ZBTB38: variants seen among roughly 807,000 people sequenced by gnomAD.
ZBTB38 encodes zinc finger and BTB domain-containing protein 38.
In ZBTB38, 20 loss-of-function variants were observed where a neutral mutation model predicts 76.8. The observed-to-expected ratio is 0.26, with a 90% CI of 0.18 to 0.38. The LOEUF (loss-of-function observed/expected upper bound fraction) is 0.38, where lower values mean the gene tolerates loss of function less well. Ranked by LOEUF, ZBTB38 falls within the 10% of genes least tolerant of loss-of-function variation. ZBTB38 has a pLI of 1.00. For synonymous variants in ZBTB38, 504 were observed against 544.2 expected (o/e 0.93, Z 1.03); for missense variants, 1,082 against 1,482.3 (o/e 0.73, Z 4.43).
chr3:141,340,994 A>AAGAAAG (rs1943181274), intron 1 of ZBTB38, among the ~76,000 whole-genome samples: 1 of 99,382 alleles, frequency 1.0e-5, no homozygotes, highest in Non-Finnish European at 2.3e-5. Flanking sequence ...AAGAAAGAGA[A>AAGAAAG]AGAAGAAAGA....
At chr3:141,359,193 G>A (rs1313811239) in intron 1 of ZBTB38, among the ~76,000 whole-genome samples, 2 of 152,326 alleles carry the variant, frequency 1.3e-5, no homozygotes, top group South Asian at 2.1e-4. Flanking sequence ...CCATCTTAAT[G>A]TACTGGTTTT....
At chr3:141,340,505 T>C (rs1442672141) in intron 1 of ZBTB38, among the ~76,000 whole-genome samples, 1 of 152,184 alleles carries the variant, frequency 6.6e-6, no homozygotes, top group African/African-American at 2.4e-5. Flanking sequence ...GACTTGTATT[T>C]AGAATATATA....
chr3:141,355,923 G>A (rs899944547), intron 1 of ZBTB38, among the ~76,000 whole-genome samples: 31 of 152,284 alleles, frequency 2.0e-4, no homozygotes, highest in African/African-American at 6.7e-4. Context: ...AGGAAGGAGA[G>A]CCAGCCCAAG....
rs748118653 is a variant in ZBTB38, at chr3:141,446,009, A to C, written c.*33A>C. On this transcript the variant is annotated 3_prime_UTR_variant, in exon 6 of 6. Coordinates refer to ENST00000321464, the MANE Select transcript of ZBTB38 (RefSeq NM_001376113.1). ...GAATTAGAAAAATCTTCAAAAATATAGTTGGTGGTTTTTTTAGTTATGATT... is the reference window on the plus strand; with the variant it reads ...GAATTAGAAAAATCTTCAAAAATATCGTTGGTGGTTTTTTTAGTTATGATT... 6.6e-7 allele frequency: 1 copy of C among 1,511,578 alleles called. No individual in the cohort carries two copies. The highest frequency in any genetic ancestry group is 8.8e-7 in the Non-Finnish European group (1 of 1,133,488). 93.6% of individuals were successfully genotyped at this position (1,511,578 alleles called of 1,614,324 possible). A position where few individuals can be genotyped will look rare whatever the true frequency, so the allele number is the denominator to read the frequency against.
chr3:141,383,805 T>G (rs1418031099), intron 3 of ZBTB38: 2 of 152,206 alleles, frequency 1.3e-5, no homozygotes, highest in Non-Finnish European at 2.9e-5. Flanking sequence ...TTCCTCGTGT[T>G]TGACTCGTCA....
At chr3:141,376,144 C>T (rs906087712) in intron 2 of ZBTB38, among the ~76,000 whole-genome samples, 1 of 152,222 alleles carries the variant, frequency 6.6e-6, no homozygotes, top group African/African-American at 2.4e-5. Flanking sequence ...CATCCCACCA[C>T]CTCAATTTCC....
intron 5 of ZBTB38, among the ~76,000 whole-genome samples, chr3:141,417,692 C>A (rs2074385902): frequency 6.6e-6 from 1 of 152,096 alleles, no homozygotes; most frequent in Admixed American, 6.6e-5. Context: ...AAATGACTTG[C>A]CATTGCTCAA....
At chr3:141,441,078 A>G (rs545283397) in intron 5 of ZBTB38, among the ~76,000 whole-genome samples, 1 of 152,048 alleles carries the variant, frequency 6.6e-6, no homozygotes, top group African/African-American at 2.4e-5. Flanking sequence ...AAAGAAAAAT[A>G]CTAGAGCAGA....
At chr3:141,360,346 G>A (rs1407848722) in intron 1 of ZBTB38, among the ~76,000 whole-genome samples, 1 of 152,180 alleles carries the variant, frequency 6.6e-6, no homozygotes, top group Non-Finnish European at 1.5e-5. Context: ...GTTTCGGCGT[G>A]TGCCTGGAGT....
chr3:141,430,979 T>C (rs2077365250), intron 5 of ZBTB38, among the ~76,000 whole-genome samples: 1 of 152,026 alleles, frequency 6.6e-6, no homozygotes, highest in Non-Finnish European at 1.5e-5. Context: ...CCTGGGGAAC[T>C]CTGGGACACA....
intron 5 of ZBTB38, chr3:141,426,276 C>G: frequency 9.7e-7 from 1 of 1,034,740 alleles, no homozygotes; most frequent in Non-Finnish European, 1.3e-6. Flanking sequence ...GACCCTGTCT[C>G]CCAAACCCTG....
In ZBTB38 at chr3:141,445,705, T is replaced by C; in HGVS notation, c.3317T>C (p.Leu1106Pro). 6.2e-7 allele frequency: 1 copy of C among 1,614,122 alleles called. No individual in the cohort carries two copies. Among genetic ancestry groups the C allele is most frequent in the Non-Finnish European group, 8.5e-7 (1 of 1,180,026 alleles). Residue 1106 changes from leucine to proline, a missense_variant, in exon 6 of 6, where the codon CTC becomes CCC. Around this residue, in one of 8 missense-constraint regions of ZBTB38, gnomAD observed 69 missense variants for 148.2 expected, o/e 0.47. Transcript: ENST00000321464. This position sits in a 1 kb window ranked among gnomAD's most constrained non-coding sequence, Gnocchi z 6.5. ...TTCTGCTTTCAGAGATTTTTGTATC[T>C]CTCCACCAAAAGGAATCACGAGCAG... ...CQFCFQRFLYLSTKRNHEQRH... is the reference protein window; with the variant it reads ...CQFCFQRFLYPSTKRNHEQRH...
rs111427060 is a variant in ZBTB38 at position 141,342,965 on chromosome 3, G to A, written c.-739+18509G>A. Among the ~76,000 whole-genome samples the A allele has an allele frequency of 6.7e-3, 1,019 of 152,186 alleles. 17 individuals are homozygous for A. The highest frequency in any genetic ancestry group is 0.023 in the African/African-American group (940 of 41,518). The stretch of plus-strand genomic sequence containing the variant: ...GAATGAGCACGAACAAACCTGCAAT[G>A]TCAATATATGGAGCTGTGTTCCATC... On this transcript the variant is annotated intron_variant, in intron 1 of 7. Transcript: ENST00000509842.
At chr3:141,395,399 G>T (rs1027650459) in intron 4 of ZBTB38, among the ~76,000 whole-genome samples, 1 of 152,178 alleles carries the variant, frequency 6.6e-6, no homozygotes, top group African/African-American at 2.4e-5. Context: ...TGGTGATGTG[G>T]AACTTTAGCG....
chr3:141,342,707 G>A (rs1318420137), intron 1 of ZBTB38, among the ~76,000 whole-genome samples: 2 of 150,564 alleles, frequency 1.3e-5, no homozygotes, highest in African/African-American at 2.5e-5. Context: ...ACTAGAGAGG[G>A]CAATAAGGTC....
In ZBTB38 at chr3:141,417,831, C is replaced by G. The variant is rs959585611; in HGVS notation, c.-1+13800C>G. On this transcript the variant is annotated intron_variant, in intron 5 of 5. Transcript: ENST00000321464. ...AGAGATGGAGACCACCCTGACCAAC[C>G]TGGTGAAACCCCATCTCTACTAAAA... Among the ~76,000 whole-genome samples, 90 of 151,994 alleles carry G rather than the reference C, an allele frequency of 5.9e-4. 1 individual carries two copies. The highest frequency in any genetic ancestry group is 5.2e-3 in the Admixed American group (79 of 15,264).
intron 3 of ZBTB38, among the ~76,000 whole-genome samples, chr3:141,384,260 G>A (rs1465355640): frequency 1.3e-5 from 2 of 152,190 alleles, no homozygotes; most frequent in Non-Finnish European, 2.9e-5. Context: ...AGTACCAGTA[G>A]GGGACCTGAC....
At chr3:141,394,699 A>ATTCT (rs1448882300) in intron 4 of ZBTB38, among the ~76,000 whole-genome samples, 1 of 152,118 alleles carries the variant, frequency 6.6e-6, no homozygotes, top group African/African-American at 2.4e-5. Context: ...CTCAAAGGAT[A>ATTCT]TTCTGATTGT....
In ZBTB38 at chr3:141,442,775, T is replaced by C. The variant is rs2080527523; in HGVS notation, c.387T>C (p.Asn129=). 6.2e-7 allele frequency: 1 copy of C among 1,614,176 alleles called. No homozygotes were observed. Among genetic ancestry groups the C allele is most frequent in the Non-Finnish European group, 8.5e-7 (1 of 1,180,012 alleles). The part of the protein sequence containing the change: ...LEDLTDRNFS[N]SPGPYVFCIT... ...ACCTTACTGATCGCAACTTCTCAAA[T>C]TCCCCGGGTCCCTATGTATTCTGTA... Residue 129 remains asparagine (N), a synonymous_variant, in exon 6 of 6, where the codon AAT becomes AAC. Transcript: ENST00000321464. This position sits in a 1 kb window ranked among gnomAD's most constrained non-coding sequence, Gnocchi z 6.4.
Sources: gnomAD v4.1 joint callset for allele counts (sites outside exome capture counted in the v4.1 genomes callset) on GRCh38, gnomAD v4.1.1 for gene constraint, gnomAD v4.1.1 regional missense constraint, Gnocchi (gnomAD v3.1) non-coding constraint, MANE v1.5 for transcripts, NCBI Gene and HGNC (gene_info 2026-07-23, HGNC 2026-07-21) for gene names.